Variants in DNER observed in about 807,000 individuals in gnomAD.
The protein encoded by DNER is delta/notch like EGF repeat containing.
In DNER, 33 loss-of-function variants were observed where a neutral mutation model predicts 78.2. The ratio of observed to expected loss-of-function variants is 0.42; its 90% confidence interval spans 0.32 to 0.56. The LOEUF (loss-of-function observed/expected upper bound fraction) is 0.56, where lower values mean the gene tolerates loss of function less well. Ranked by LOEUF, DNER falls within the 20% of genes least tolerant of loss-of-function variation. The pLI, the probability that DNER is intolerant of heterozygous loss-of-function variation, is 0.11. For synonymous variants in DNER, 417 were observed against 384.8 expected, an observed-to-expected ratio of 1.08 and a Z score of -0.98; for missense variants, 918 against 975.3, an observed-to-expected ratio of 0.94 and a Z score of 0.78.
chr2:229,472,939 A>G (rs1417239066), intron 7 of DNER, among the ~76,000 whole-genome samples: 1 of 152,204 alleles, frequency 6.6e-6, no homozygotes, highest in African/African-American at 2.4e-5. Flanking sequence ...GCAGCTATGA[A>G]GGTGACTGCA....
At chr2:229,617,865 T>G (rs775862253) in intron 1 of DNER, among the ~76,000 whole-genome samples, 2 of 152,142 alleles carry the variant, frequency 1.3e-5, no homozygotes, top group Non-Finnish European at 2.9e-5. Flanking sequence ...GGTGGGAGGA[T>G]CGCTTGAGCC....
intron 12 of DNER, among the ~76,000 whole-genome samples, chr2:229,360,796 G>C (rs2106323737): frequency 6.6e-6 from 1 of 152,340 alleles, no homozygotes; most frequent in East Asian, 1.9e-4. Flanking sequence ...AGAGCAAGGA[G>C]CACCACTCTG....
intron 8 of DNER, among the ~76,000 whole-genome samples, chr2:229,429,731 C>T (rs1208507497): frequency 6.6e-6 from 1 of 152,230 alleles, no homozygotes; most frequent in Admixed American, 6.5e-5. Context: ...TGACATGGTG[C>T]CTGGCTGATT....
chr2:229,676,686 C>A (rs1285402871), intron 1 of DNER, among the ~76,000 whole-genome samples: 1 of 152,134 alleles, frequency 6.6e-6, no homozygotes, highest in Non-Finnish European at 1.5e-5. Flanking sequence ...AGACATGTCT[C>A]CCAAGGAGAA....
chr2:229,519,494 T>C (rs1696051697), intron 5 of DNER, among the ~76,000 whole-genome samples: 2 of 152,104 alleles, frequency 1.3e-5, no homozygotes, highest in Non-Finnish European at 2.9e-5. Context: ...TTCAGTGAAA[T>C]TATTGCATTA....
chr2:229,590,438 A>T, intron 2 of DNER, among the ~76,000 whole-genome samples: 1 of 152,174 alleles, frequency 6.6e-6, no homozygotes, highest in Non-Finnish European at 1.5e-5. Flanking sequence ...CAAGGTACCA[A>T]AAATAGAACC....
rs1038981353 is a variant in DNER at position 229,357,769 on chromosome 2, C to A, written c.*771G>T. 2 of 152,130 alleles carry A rather than the reference C, an allele frequency of 1.3e-5. No individual in the cohort carries two copies. The highest frequency in any genetic ancestry group is 2.9e-5 in the Non-Finnish European group (2 of 68,018). The allele number at this position is 152,130 out of a possible 1,614,324, so 9.4% of individuals were successfully genotyped here. A position where few individuals can be genotyped will look rare whatever the true frequency, so the allele number is the denominator to read the frequency against. ...TGAGAAATACTCACTACTGAAGGAACCAGTACTCTCTTACATTTACTACCT... is the reference window on the plus strand; with the variant it reads ...TGAGAAATACTCACTACTGAAGGAAACAGTACTCTCTTACATTTACTACCT... On this transcript the variant is annotated 3_prime_UTR_variant, in exon 13 of 13. Coordinates refer to ENST00000341772, the MANE Select transcript of DNER (RefSeq NM_139072.4).
chr2:229,625,309 T>G (rs1217993746), intron 1 of DNER, among the ~76,000 whole-genome samples: 1 of 152,204 alleles, frequency 6.6e-6, no homozygotes, highest in Non-Finnish European at 1.5e-5. Flanking sequence ...CCAGTTGTTC[T>G]TCTTTCCATC....
At chr2:229,512,320 T>C (rs1182181494) in intron 6 of DNER, among the ~76,000 whole-genome samples, 1 of 147,974 alleles carries the variant, frequency 6.8e-6, no homozygotes, top group Non-Finnish European at 1.5e-5. Context: ...GAGGCAGAGG[T>C]TGCAGTGAGC....
chr2:229,601,675 C>T (rs924933331), intron 1 of DNER, among the ~76,000 whole-genome samples: 7 of 152,094 alleles, frequency 4.6e-5, no homozygotes, highest in Non-Finnish European at 5.9e-5. Context: ...AGAATTGAAA[C>T]GTGGCTATAA....
chr2:229,368,403 TC>T (rs1473708135), intron 11 of DNER, among the ~76,000 whole-genome samples: 2 of 152,120 alleles, frequency 1.3e-5, no homozygotes, highest in East Asian at 1.9e-4. Flanking sequence ...TAGCTAGACT[TC>T]CCTCACCCCA....
intron 1 of DNER, among the ~76,000 whole-genome samples, chr2:229,695,067 T>C (rs1164610728): frequency 6.6e-6 from 1 of 152,184 alleles, no homozygotes; most frequent in Non-Finnish European, 1.5e-5. Flanking sequence ...TATAAGGGGC[T>C]TTTCCCCCTT....
chr2:229,632,900 G>A (rs1396366957), intron 1 of DNER, among the ~76,000 whole-genome samples: 3 of 152,064 alleles, frequency 2.0e-5, no homozygotes, highest in Non-Finnish European at 2.9e-5. Context: ...AAGTTTACCA[G>A]TAACTAAAAA....
intron 11 of DNER, among the ~76,000 whole-genome samples, chr2:229,385,910 C>T (rs867365422): frequency 5.6e-4 from 85 of 151,766 alleles, no homozygotes; most frequent in African/African-American, 1.8e-3. Context: ...GTAATTTACA[C>T]GTTCAATGCT....
chr2:229,591,857 C>A lies in DNER; in HGVS notation c.308G>T (p.Cys103Phe). Reference protein sequence around the residue: ...LVADPCASNPCHHGNCSSSSS... With the variant: ...LVADPCASNPFHHGNCSSSSS... Reference sequence around the variant, plus strand: ...GCTGCTGCTGCAGTTGCCATGGTGACAAGGGTTGCTGGCACAAGGATCTGC... The same window carrying A: ...GCTGCTGCTGCAGTTGCCATGGTGAAAAGGGTTGCTGGCACAAGGATCTGC... Residue 103 changes from cysteine (C) to phenylalanine (F), a missense_variant, in exon 2 of 13, where the codon TGT becomes TTT. Physicochemically the swap from Cys to Phe is radical, Grantham distance 205. Transcript: ENST00000341772. The surrounding 1 kb of genome is among the most constrained non-coding windows in gnomAD (Gnocchi z 4.6). 1 of 1,605,094 alleles carries A rather than the reference C, an allele frequency of 6.2e-7. No homozygotes were observed. The highest frequency in any genetic ancestry group is 8.5e-7 in the Non-Finnish European group (1 of 1,175,588).
Position 229,427,278 on chromosome 2 carries a change from G to T in DNER, c.1487-9048C>A, listed in dbSNP as rs576084838. Among the ~76,000 whole-genome samples the T allele has an allele frequency of 2.6e-5, 4 of 152,274 alleles. No individual in the cohort carries two copies. In the South Asian group the frequency reaches 8.3e-4, roughly 32 times the overall value. ...CACCATGAGTTTATATTCTCCCTCA[G>T]TGCAGAGGCTCTCTGGCTTTAATAG... On this transcript the variant is annotated intron_variant, in intron 8 of 12. Coordinates refer to ENST00000341772, the MANE Select transcript of DNER (RefSeq NM_139072.4).
chr2:229,610,622 G>T (rs1258105088), intron 1 of DNER, among the ~76,000 whole-genome samples: 2 of 151,980 alleles, frequency 1.3e-5, no homozygotes, highest in African/African-American at 4.8e-5. Flanking sequence ...TGATACTTAG[G>T]CATCTTAGAG....
In DNER at chr2:229,591,651, T is replaced by C. The variant is rs754386908; in HGVS notation, c.514A>G (p.Thr172Ala). ...GGCTGCCAGGTAGGCAGTGTCACCG[T>C]TGCCTGAGAGCGAGGCAGGATTTTG... ...PDKILPRSQATVTLPTWQPKT... is the reference protein window; with the variant it reads ...PDKILPRSQAAVTLPTWQPKT... Residue 172 changes from threonine (T) to alanine (A), a missense_variant, in exon 2 of 13, where the codon ACG becomes GCG. Coordinates refer to ENST00000341772, the MANE Select transcript of DNER (RefSeq NM_139072.4). The surrounding 1 kb of genome is among the most constrained non-coding windows in gnomAD (Gnocchi z 4.6). The C allele has an allele frequency of 6.2e-7, 1 of 1,614,224 alleles. No individual in the cohort carries two copies. The highest frequency in any genetic ancestry group is 8.5e-7 in the Non-Finnish European group (1 of 1,180,032).
intron 7 of DNER, among the ~76,000 whole-genome samples, chr2:229,463,934 G>T (rs1035044189): frequency 7.2e-5 from 11 of 152,218 alleles, no homozygotes; most frequent in Non-Finnish European, 1.6e-4. Flanking sequence ...CTGGCAGGAA[G>T]GGTTGAAAGA....
Sources: gnomAD v4.1 joint callset for allele counts (sites outside exome capture counted in the v4.1 genomes callset) on GRCh38, gnomAD v4.1.1 for gene constraint, Gnocchi (gnomAD v3.1) non-coding constraint, MANE v1.5 for transcripts, NCBI Gene and HGNC (gene_info 2026-07-23, HGNC 2026-07-21) for gene names.